QKI: variants seen among roughly 807,000 people sequenced by gnomAD.
QKI encodes the protein QKI, KH domain containing RNA binding.
In QKI, 10 loss-of-function variants were observed where a neutral mutation model predicts 39.0. The observed-to-expected ratio is 0.26, with a 90% CI of 0.16 to 0.43. The LOEUF (loss-of-function observed/expected upper bound fraction) is 0.43, where lower values mean the gene tolerates loss of function less well. Among genes scored for constraint, QKI ranks in the 20% least tolerant of loss-of-function variants. QKI has a pLI of 1.00. For synonymous variants in QKI, 204 were observed against 155.4 expected (o/e 1.31, Z -2.33); for missense variants, 218 against 428.0 (o/e 0.51, Z 4.33).
At chr6:163,435,292 G>A (rs944911333) in intron 1 of QKI, among the ~76,000 whole-genome samples, 1 of 152,156 alleles carries the variant, frequency 6.6e-6, no homozygotes. Context: ...TGATTTTGCC[G>A]GCAGCAGTGA....
chr6:163,457,638 T>A (rs1791019423), intron 2 of QKI: 1 of 282,272 alleles, frequency 3.5e-6, no homozygotes, highest in Non-Finnish European at 7.2e-6. Context: ...CCTCTAATTT[T>A]TTTTTTTTTT....
chr6:163,570,353 C>A (rs185589470), intron 7 of QKI: 343 of 983,108 alleles, frequency 3.5e-4, no homozygotes, highest in Middle Eastern at 1.1e-3. Flanking sequence ...TATACCAAAC[C>A]TATTCATTGT....
chr6:163,499,803 AACTG>A, intron 3 of QKI, among the ~76,000 whole-genome samples: 1 of 152,180 alleles, frequency 6.6e-6, no homozygotes, highest in South Asian at 2.1e-4. Context: ...CTAGACACAA[AACTG>A]GGAGGTTCTT....
At chr6:163,516,356 A>G (rs1326496970) in intron 3 of QKI, among the ~76,000 whole-genome samples, 1 of 152,028 alleles carries the variant, frequency 6.6e-6, no homozygotes, top group African/African-American at 2.4e-5. Context: ...GTGCAGTGGC[A>G]TGATCTGGGA....
At chr6:163,530,653 CT>C (rs373706848) in intron 3 of QKI, among the ~76,000 whole-genome samples, 94 of 152,154 alleles carry the variant, frequency 6.2e-4, no homozygotes, top group Middle Eastern at 3.4e-3. Flanking sequence ...ACCTCAAAGC[CT>C]TTTTTTGTGT....
chr6:163,513,336 T>A (rs1779598310), intron 3 of QKI, among the ~76,000 whole-genome samples: 1 of 152,150 alleles, frequency 6.6e-6, no homozygotes, highest in Non-Finnish European at 1.5e-5. Flanking sequence ...GAACTAAACT[T>A]GATTGTAATT....
At chr6:163,452,154 G>A (rs144836231) in intron 1 of QKI, among the ~76,000 whole-genome samples, 24 of 152,218 alleles carry the variant, frequency 1.6e-4, no homozygotes, top group African/African-American at 4.8e-4. Flanking sequence ...TGTTAGAACT[G>A]GAATCAGAAC....
At position 163,572,337 on chromosome 6, in the gene QKI, T is replaced by C. The variant is rs1161424417; in HGVS notation, c.*1627T>C. ...AAATGTTTTCACAAAAGTGAATCTT[T>C]GTGATTTTCATTCTAGAAAACAATG... On this transcript the variant is annotated 3_prime_UTR_variant, in exon 8 of 8. Coordinates refer to ENST00000361752, the MANE Select transcript of QKI (RefSeq NM_006775.3). 1 of 152,214 alleles carries C rather than the reference T, an allele frequency of 6.6e-6. No individual in the cohort carries two copies. The highest frequency in any genetic ancestry group is 1.5e-5 in the Non-Finnish European group (1 of 68,028). 9.4% of individuals were successfully genotyped at this position (152,214 alleles called of 1,614,324 possible).
intron 2 of QKI, among the ~76,000 whole-genome samples, chr6:163,474,543 G>A (rs1054284790): frequency 6.6e-6 from 1 of 151,722 alleles, no homozygotes; most frequent in African/African-American, 2.4e-5. Context: ...TATGATATAC[G>A]GTAGCAGAAA....
At chr6:163,428,140 AAC>A (rs1788549692) in intron 1 of QKI, among the ~76,000 whole-genome samples, 1 of 152,242 alleles carries the variant, frequency 6.6e-6, no homozygotes, top group Non-Finnish European at 1.5e-5. Context: ...TGTGACAAAT[AAC>A]AGTTACCTAA....
chr6:163,486,026 A>G lies in QKI; in HGVS notation c.402+7130A>G, dbSNP rs941124048. On this transcript the variant is annotated intron_variant, in intron 3 of 7. Transcript: ENST00000361752. Reference sequence around the variant, plus strand: ...AGCCTTCCTGGGCCGCATGCGGCCTATGGACCGGGGGTTGGACAAGCTTGG... The same window carrying G: ...AGCCTTCCTGGGCCGCATGCGGCCTGTGGACCGGGGGTTGGACAAGCTTGG... Among the ~76,000 whole-genome samples the G allele has an allele frequency of 6.6e-5, 10 of 152,232 alleles. No individual in the cohort carries two copies. The South Asian group carries it at 8.3e-4, about 13-fold the overall frequency.
At chr6:163,549,260 A>C (rs995782224) in intron 4 of QKI, among the ~76,000 whole-genome samples, 2 of 152,094 alleles carry the variant, frequency 1.3e-5, no homozygotes, top group African/African-American at 4.8e-5. Flanking sequence ...CCAATGTCTC[A>C]TTTTCCTTAG....
intron 2 of QKI, 89 bp downstream of exon 2, chr6:163,455,510 T>C: frequency 7.7e-7 from 1 of 1,295,450 alleles, no homozygotes; most frequent in Non-Finnish European, 1.1e-6. Flanking sequence ...TTAAGCATTA[T>C]TAGCCACTTT....
intron 2 of QKI, among the ~76,000 whole-genome samples, chr6:163,455,723 C>T (rs1383979386): frequency 6.6e-6 from 1 of 152,194 alleles, no homozygotes; most frequent in Non-Finnish European, 1.5e-5. Context: ...CAACATTGCT[C>T]ATCTTTAATC....
At chr6:163,424,726 G>A (rs1788277674) in intron 1 of QKI, among the ~76,000 whole-genome samples, 1 of 151,606 alleles carries the variant, frequency 6.6e-6, no homozygotes, top group African/African-American at 2.4e-5. Context: ...CTGTCTCCCA[G>A]GTTCAAGTGA....
At chr6:163,563,381 GT>G (rs1783150925) in intron 5 of QKI, 38 bp from the exon 6 acceptor site, 5 of 1,509,174 alleles carry the variant, frequency 3.3e-6, no homozygotes, top group Non-Finnish European at 4.5e-6. Context: ...TTATACTGCT[GT>G]CTCTATACTT....
chr6:163,480,609 C>T (rs538630990), intron 3 of QKI, among the ~76,000 whole-genome samples: 1 of 152,080 alleles, frequency 6.6e-6, no homozygotes, highest in Non-Finnish European at 1.5e-5. Flanking sequence ...AAGATATGTT[C>T]ATGGGAGTCT....
At chr6:163,563,883 C>T (rs1783188131) in intron 6 of QKI, 164 bp downstream of exon 6, 2 of 1,421,976 alleles carry the variant, frequency 1.4e-6, no homozygotes, top group Non-Finnish European at 1.8e-6. Flanking sequence ...TAAGGGTTCC[C>T]CTTTGAAATA....
chr6:163,547,333 A>G (rs183091575), intron 4 of QKI, among the ~76,000 whole-genome samples: 126 of 152,304 alleles, frequency 8.3e-4, no homozygotes, highest in Non-Finnish European at 1.4e-3. Context: ...GAATAGAACA[A>G]AATTACTGTG....
Sources: gnomAD v4.1 joint callset for allele counts (sites outside exome capture counted in the v4.1 genomes callset) on GRCh38, gnomAD v4.1.1 for gene constraint, MANE v1.5 for transcripts, NCBI Gene and HGNC (gene_info 2026-07-23, HGNC 2026-07-21) for gene names.